Variants in GRM8 observed in about 807,000 individuals in gnomAD.
The protein encoded by GRM8 is glutamate metabotropic receptor 8, also known as metabotropic glutamate receptor 8.
A neutral mutation model predicts 87.2 loss-of-function variants in GRM8; 47 were observed. The observed-to-expected ratio is 0.54, with a 90% confidence interval of 0.43 to 0.69. The LOEUF is 0.69. Among genes scored for constraint, GRM8 ranks in the 30% least tolerant of loss-of-function variants. GRM8 has a pLI of 0.00. For missense variants in GRM8, 1,019 were observed against 1,139.2 expected, an observed-to-expected ratio of 0.89 and a Z score of 1.52; for synonymous variants, 396 against 404.5, an observed-to-expected ratio of 0.98 and a Z score of 0.25.
rs1460795945 is a variant in GRM8, at chr7:127,103,074, G to C, written c.727+3422C>G. On this transcript the variant is annotated intron_variant, in intron 3 of 10. Transcript: ENST00000339582. The stretch of plus-strand genomic sequence containing the variant: ...AACTGGGTTTCACCATGTTGGCCAG[G>C]CTGGTCTCAAACTCCACCTCAGCCC... 2.0e-5 allele frequency among the ~76,000 whole-genome samples: 3 copies of C among 152,168 alleles called. No homozygotes were observed. The East Asian group carries it at 5.8e-4, about 29-fold the overall frequency.
intron 3 of GRM8, among the ~76,000 whole-genome samples, chr7:127,022,935 A>T (rs1263875506): frequency 6.6e-6 from 1 of 152,052 alleles, no homozygotes; most frequent in Admixed American, 6.6e-5. Flanking sequence ...GTTTTTAAAT[A>T]CCTAGCAAGA....
chr7:126,740,315 A>T (rs551518425), intron 7 of GRM8, among the ~76,000 whole-genome samples: 1 of 152,202 alleles, frequency 6.6e-6, no homozygotes, highest in East Asian at 1.9e-4. Context: ...ACCTCTGATT[A>T]TTAATATGGG....
At chr7:127,151,456 T>C (rs1828855934) in intron 2 of GRM8, among the ~76,000 whole-genome samples, 1 of 151,928 alleles carries the variant, frequency 6.6e-6, no homozygotes, top group African/African-American at 2.4e-5. Context: ...GTTTGTGTCA[T>C]AAAAGAAAAA....
chr7:126,789,260 A>G (rs954382679), intron 6 of GRM8, among the ~76,000 whole-genome samples: 1 of 152,152 alleles, frequency 6.6e-6, no homozygotes, highest in African/African-American at 2.4e-5. Context: ...AATGAAGCAC[A>G]ATACAGAGTA....
chr7:127,004,239 A>G (rs1814035892), intron 3 of GRM8, among the ~76,000 whole-genome samples: 1 of 151,722 alleles, frequency 6.6e-6, no homozygotes, highest in Non-Finnish European at 1.5e-5. Context: ...CTCTAGAACC[A>G]GGTGATGAAA....
At chr7:126,498,684 T>C (rs143555372) in intron 9 of GRM8, among the ~76,000 whole-genome samples, 1 of 152,098 alleles carries the variant, frequency 6.6e-6, no homozygotes, top group East Asian at 1.9e-4. Flanking sequence ...CATAATTTAC[T>C]TCTTCACTTT....
chr7:126,871,674 A>G (rs1799110260), intron 6 of GRM8, among the ~76,000 whole-genome samples: 1 of 152,190 alleles, frequency 6.6e-6, no homozygotes, highest in Non-Finnish European at 1.5e-5. Context: ...AAATGAGTCA[A>G]TTTTACAACA....
Position 126,917,373 on chromosome 7 carries a change from CCACACACACA to C in GRM8, c.728-12700_728-12691del, listed in dbSNP as rs71312846. ...CTTGAGATGCAAGGACCTCCTCCAA[CCACACACACA>C]CACACACACACACACATGGACACGC... On this transcript the variant is annotated intron_variant, in intron 3 of 10. Coordinates refer to ENST00000339582, the MANE Select transcript of GRM8 (RefSeq NM_000845.3). Among the ~76,000 whole-genome samples the C allele has an allele frequency of 7.4e-4, 109 of 148,164 alleles. 4 individuals are homozygous for C. The East Asian group carries it at 0.02, about 27-fold the overall frequency.
At chr7:126,474,633 T>C (rs1250215810) in intron 9 of GRM8, among the ~76,000 whole-genome samples, 1 of 152,240 alleles carries the variant, frequency 6.6e-6, no homozygotes, top group Middle Eastern at 3.4e-3. Flanking sequence ...GTCCTAGAGA[T>C]AGGCCGTGAG....
At chr7:126,521,471 A>T (rs1332101135) in intron 9 of GRM8, among the ~76,000 whole-genome samples, 1 of 152,110 alleles carries the variant, frequency 6.6e-6, no homozygotes, top group Non-Finnish European at 1.5e-5. Context: ...GATTGGTTGA[A>T]AACTAGTCCC....
intron 3 of GRM8, among the ~76,000 whole-genome samples, chr7:126,906,122 G>C (rs901232647): frequency 1.3e-5 from 2 of 152,004 alleles, no homozygotes; most frequent in African/African-American, 4.8e-5. Flanking sequence ...AATGGGATTA[G>C]TGCCCTTATA....
intron 2 of GRM8, among the ~76,000 whole-genome samples, chr7:127,128,538 C>T (rs1200640569): frequency 6.6e-6 from 1 of 152,100 alleles, no homozygotes; most frequent in Non-Finnish European, 1.5e-5. Context: ...AAGATCCCTT[C>T]AATGGTAGTA....
intron 7 of GRM8, among the ~76,000 whole-genome samples, chr7:126,763,468 T>TACACAC (rs1554483375): frequency 1.9e-5 from 1 of 52,050 alleles, no homozygotes; most frequent in African/African-American, 4.9e-5. Flanking sequence ...TATATATATA[T>TACACAC]ATATACACAC....
chr7:127,160,468 C>CA (rs1793026897), intron 2 of GRM8, among the ~76,000 whole-genome samples: 1 of 151,988 alleles, frequency 6.6e-6, no homozygotes, highest in African/African-American at 2.4e-5. Context: ...TGAGGAAAAA[C>CA]AAAGAAGATT....
At position 126,696,916 on chromosome 7, in the gene GRM8, C is replaced by T. The variant is rs1418190708; in HGVS notation, c.1357+72949G>A. 3.9e-5 allele frequency among the ~76,000 whole-genome samples: 6 copies of T among 152,058 alleles called. No individual in the cohort carries two copies. In the East Asian group the frequency reaches 1.2e-3, roughly 29 times the overall value. On this transcript the variant is annotated intron_variant, in intron 7 of 10. Transcript: ENST00000339582. ...AATCAGCACCTTGTAGAAATATCCG[C>T]ACGCCAATGTTCGTTGCAGCACTAT...
chr7:126,631,681 C>A (rs1801279306), intron 7 of GRM8, among the ~76,000 whole-genome samples: 1 of 152,124 alleles, frequency 6.6e-6, no homozygotes. Flanking sequence ...GGTACAAAAA[C>A]AGGCACGTAG....
chr7:126,539,964 A>C (rs986196088), intron 8 of GRM8, among the ~76,000 whole-genome samples: 1 of 152,138 alleles, frequency 6.6e-6, no homozygotes, highest in Non-Finnish European at 1.5e-5. Context: ...CATCTATGTT[A>C]AATAATTGTG....
chr7:126,758,186 T>C (rs1191598479), intron 7 of GRM8, among the ~76,000 whole-genome samples: 6 of 152,160 alleles, frequency 3.9e-5, no homozygotes, highest in Admixed American at 3.3e-4. Context: ...AGTAAATATA[T>C]ACTGAGGGTT....
At chr7:127,096,475 G>A (rs753571707) in intron 3 of GRM8, among the ~76,000 whole-genome samples, 12 of 151,812 alleles carry the variant, frequency 7.9e-5, no homozygotes, top group East Asian at 1.9e-4. Context: ...TAGGAGAATC[G>A]CTTGAACCCA....
Sources: gnomAD v4.1 joint callset for allele counts (sites outside exome capture counted in the v4.1 genomes callset) on GRCh38, gnomAD v4.1.1 for gene constraint, MANE v1.5 for transcripts, NCBI Gene and HGNC (gene_info 2026-07-23, HGNC 2026-07-21) for gene names.